Variants in ARHGAP19 observed in about 807,000 individuals in gnomAD.
The protein encoded by ARHGAP19 is rho GTPase-activating protein 19.
A neutral mutation model predicts 60.9 loss-of-function variants in ARHGAP19; 48 were observed. That is an observed-to-expected ratio of 0.79 (90% CI 0.62 to 1.00). The LOEUF is 1.00. Among genes scored for constraint, ARHGAP19 ranks in the 50% least tolerant of loss-of-function variants. ARHGAP19 has a pLI of 0.00. For synonymous variants in ARHGAP19, 209 were observed against 215.5 expected (o/e 0.97, Z 0.27); for missense variants, 562 against 597.2 (o/e 0.94, Z 0.61).
chr10:97,253,573 T>C (rs956512093), intron 6 of ARHGAP19, among the ~76,000 whole-genome samples: 3 of 152,140 alleles, frequency 2.0e-5, no homozygotes, highest in African/African-American at 7.2e-5. Flanking sequence ...TAACACTTAA[T>C]AGCAAAGCAG....
Position 97,230,264 on chromosome 10 carries a change from A to G in ARHGAP19, c.1285-390T>C, listed in dbSNP as rs140556091. ...ATGTGCTGTCTCTGGCAACTATTTA[A>G]AAAGTCCCTCCCCCCTACTTACCAC... On this transcript the variant is annotated intron_variant, in intron 9 of 11. Coordinates refer to ENST00000358531, the MANE Select transcript of ARHGAP19 (RefSeq NM_032900.6). 1.5e-3 allele frequency among the ~76,000 whole-genome samples: 231 copies of G among 152,314 alleles called. 1 individual carries two copies. The highest frequency in any genetic ancestry group is 6.8e-3 in the Middle Eastern group (2 of 294).
chr10:97,256,230 G>T, intron 6 of ARHGAP19, 88 bp downstream of exon 6: 4 of 1,083,046 alleles, frequency 3.7e-6, no homozygotes, highest in Admixed American at 1.9e-5. Context: ...CCTTTTTCTC[G>T]TTTAGTTATC....
chr10:97,291,328 T>C (rs1157429092), intron 1 of ARHGAP19, among the ~76,000 whole-genome samples: 2 of 152,154 alleles, frequency 1.3e-5, no homozygotes, highest in African/African-American at 4.8e-5. Context: ...TTTTATTTTA[T>C]TTATTTATTT....
At chr10:97,291,959 C>T (rs2134940116) in intron 1 of ARHGAP19, among the ~76,000 whole-genome samples, 1 of 152,230 alleles carries the variant, frequency 6.6e-6, no homozygotes, top group South Asian at 2.1e-4. Flanking sequence ...CCCATCTGCT[C>T]CTTAGCTGTT....
At chr10:97,232,649 C>T (rs995634259) in intron 9 of ARHGAP19, among the ~76,000 whole-genome samples, 2 of 152,102 alleles carry the variant, frequency 1.3e-5, no homozygotes, top group African/African-American at 4.8e-5. Flanking sequence ...GTCCTAGAAG[C>T]TACTGGCCCC....
At position 97,280,892 on chromosome 10, in the gene ARHGAP19, C is replaced by T. The variant is rs1843075919; in HGVS notation, c.56+11680G>A. ...GCCACTGCACCCAGCCTCCTACAGA[C>T]TTTTAAGTGCCATGAGTCTCAGGCA... On this transcript the variant is annotated intron_variant, in intron 1 of 11. Transcript: ENST00000358531. Among the ~76,000 whole-genome samples the T allele has an allele frequency of 2.0e-5, 3 of 152,184 alleles. 1 individual carries two copies. The highest frequency in any genetic ancestry group is 4.1e-4 in the South Asian group (2 of 4,834).
At chr10:97,255,590 C>T (rs1468998614) in intron 6 of ARHGAP19, among the ~76,000 whole-genome samples, 1 of 151,882 alleles carries the variant, frequency 6.6e-6, no homozygotes, top group Non-Finnish European at 1.5e-5. Flanking sequence ...AAAAAAGATG[C>T]TAAAATTAAG....
intron 1 of ARHGAP19, among the ~76,000 whole-genome samples, chr10:97,292,066 G>A (rs1278786535): frequency 2.0e-5 from 3 of 152,098 alleles, no homozygotes; most frequent in Non-Finnish European, 4.4e-5. Flanking sequence ...CTTGACACTT[G>A]GAAATAGGCA....
intron 1 of ARHGAP19, among the ~76,000 whole-genome samples, chr10:97,285,576 T>A (rs555292455): frequency 6.7e-6 from 1 of 148,578 alleles, no homozygotes; most frequent in East Asian, 2.0e-4. Flanking sequence ...GGCTGGAGTA[T>A]AGTGGCACAA....
At chr10:97,285,938 T>C (rs1026968871) in intron 1 of ARHGAP19, among the ~76,000 whole-genome samples, 5 of 152,238 alleles carry the variant, frequency 3.3e-5, no homozygotes, top group Non-Finnish European at 7.3e-5. Context: ...CTGCTTTGCT[T>C]TATGCTGTGG....
intron 8 of ARHGAP19, among the ~76,000 whole-genome samples, chr10:97,237,318 A>G (rs1378090278): frequency 6.6e-6 from 1 of 152,086 alleles, no homozygotes; most frequent in Non-Finnish European, 1.5e-5. Context: ...TTCTTCCACA[A>G]ATAAGGTTCA....
At chr10:97,259,251 G>T in intron 5 of ARHGAP19, 151 bp downstream of exon 5, 1 of 649,028 alleles carries the variant, frequency 1.5e-6, no homozygotes, top group Non-Finnish European at 2.7e-6. Flanking sequence ...CAGGTCTGAT[G>T]ACTCTTCAAT....
Position 97,292,592 on chromosome 10 carries a change from T to A in ARHGAP19, c.36A>T (p.Pro12=). Reference sequence around the variant, plus strand: ...CTCACCTCCGGCCGGATTCGCGGGCTGGCACCTCCCCTTCACTCTGTGCCT... The same window carrying A: ...CTCACCTCCGGCCGGATTCGCGGGCAGGCACCTCCCCTTCACTCTGTGCCT... ...ATEAQSEGEV[P]ARESGRSDAI... The change falls in exon 1 of 12, where the codon CCA becomes CCT. Residue 12 remains proline (P), a synonymous_variant. Transcript: ENST00000358531. 1.9e-6 allele frequency: 3 copies of A among 1,614,224 alleles called. No homozygotes were observed. Among genetic ancestry groups the A allele is most frequent in the Non-Finnish European group, 1.7e-6 (2 of 1,180,028 alleles).
chr10:97,270,807 A>G (rs369319096), intron 1 of ARHGAP19: 25 of 635,928 alleles, frequency 3.9e-5, no homozygotes, highest in Admixed American at 3.9e-4. Flanking sequence ...CATCTGCAAG[A>G]AGGAAAATAG....
rs147511495 is a variant in ARHGAP19, at chr10:97,287,612, G to A, written c.56+4960C>T. ...TTAAAAATTAGCCGAGTGTGGTGGC[G>A]CATGCCTGTAGTCCCAGCTACTTGA... On this transcript the variant is annotated intron_variant, in intron 1 of 11. Transcript: ENST00000358531. 1.8e-3 allele frequency among the ~76,000 whole-genome samples: 267 copies of A among 152,034 alleles called. 2 individuals carry two copies. In the East Asian group the frequency reaches 0.029, roughly 17 times the overall value.
chr10:97,249,555 A>C (rs1416822480), intron 6 of ARHGAP19, among the ~76,000 whole-genome samples: 1 of 152,210 alleles, frequency 6.6e-6, no homozygotes, highest in Admixed American at 6.6e-5. Flanking sequence ...CAAACTTAGA[A>C]TGTGAGACAT....
At chr10:97,265,017 T>G in intron 2 of ARHGAP19, 111 bp from the exon 3 acceptor site, 1 of 807,670 alleles carries the variant, frequency 1.2e-6, no homozygotes, top group Non-Finnish European at 2.0e-6. Context: ...CATTTTCACA[T>G]GGTCAGTAAA....
intron 9 of ARHGAP19, among the ~76,000 whole-genome samples, chr10:97,233,489 A>C (rs940020508): frequency 6.6e-5 from 10 of 152,342 alleles, no homozygotes; most frequent in African/African-American, 2.4e-4. Flanking sequence ...AAGCAGGGCA[A>C]AACACCAAAA....
chr10:97,291,361 C>T (rs916624644), intron 1 of ARHGAP19, among the ~76,000 whole-genome samples: 2 of 152,164 alleles, frequency 1.3e-5, no homozygotes, highest in Non-Finnish European at 1.5e-5. Context: ...TGCTCTGTCA[C>T]CCAGGGTGGA....
Sources: allele counts gnomAD v4.1 joint callset (sites outside exome capture counted in the v4.1 genomes callset), GRCh38; gene constraint gnomAD v4.1.1; transcripts MANE v1.5; gene names NCBI Gene and HGNC (gene_info 2026-07-23, HGNC 2026-07-21).